Variants in LRP1B observed in about 807,000 individuals in gnomAD.
LRP1B encodes LDL receptor related protein 1B.
LRP1B carries 217 observed loss-of-function variants against 556.6 expected under a neutral mutation model. The observed-to-expected ratio is 0.39, with a 90% CI of 0.35 to 0.44. LRP1B has a LOEUF of 0.44. LRP1B is among the 20% of genes least tolerant of loss of function. The pLI is 1.00. For synonymous variants in LRP1B, 2,047 were observed against 1,865.8 expected (o/e 1.10, Z -2.50); for missense variants, 5,053 against 5,620.8 (o/e 0.90, Z 3.23).
At chr2:141,549,513 CT>C (rs1685673798) in intron 2 of LRP1B, among the ~76,000 whole-genome samples, 1 of 152,114 alleles carries the variant, frequency 6.6e-6, no homozygotes, top group Admixed American at 6.6e-5. Context: ...ACCAGTCTCT[CT>C]TTTTAGTTAC....
In LRP1B at chr2:140,311,464, A is replaced by G. The variant is rs182013639; in HGVS notation, c.12805+3471T>C. On this transcript the variant is annotated intron_variant, in intron 83 of 90. Coordinates refer to ENST00000389484, the MANE Select transcript of LRP1B (RefSeq NM_018557.3). ...CCACCTGTTCTTACTTATAAATAGG[A>G]GCCAAATCATGTGTACACGTAGACA... Among the ~76,000 whole-genome samples, 373 of 151,982 alleles carry G rather than the reference A, an allele frequency of 2.5e-3. 3 individuals carry two copies. Among genetic ancestry groups the G allele is most frequent in the Non-Finnish European group, 2.1e-3 (145 of 67,856 alleles).
intron 2 of LRP1B, among the ~76,000 whole-genome samples, chr2:141,782,121 G>A (rs1204970224): frequency 1.3e-5 from 2 of 152,098 alleles, no homozygotes; most frequent in Non-Finnish European, 2.9e-5. Context: ...CTAGAAAAAT[G>A]CTGCAGTGAG....
chr2:140,779,630 G>A (rs1261805708), intron 32 of LRP1B, among the ~76,000 whole-genome samples: 1 of 151,354 alleles, frequency 6.6e-6, no homozygotes, highest in East Asian at 1.9e-4. Flanking sequence ...GGGAGTCAGA[G>A]GTTGCAGTGA....
rs749589167 is a variant in LRP1B at position 140,385,970 on chromosome 2, T to A, written c.10454A>T (p.Asn3485Ile). 6 of 1,613,422 alleles carry A rather than the reference T, an allele frequency of 3.7e-6. No individual in the cohort carries two copies. The South Asian group carries it at 6.6e-5, about 18-fold the overall frequency. Residue 3485 changes from asparagine to isoleucine, a missense_variant, in exon 67 of 91, where the codon AAC becomes ATC. Physicochemically the swap from Asn to Ile is moderately radical, Grantham distance 149. Coordinates refer to ENST00000389484, the MANE Select transcript of LRP1B (RefSeq NM_018557.3). ...TCGPHEFQCK[N>I]NNCIPDHWRC... ...CCAGTGATCGGGAATACAGTTGTTG[T>A]TTTTACACTGGAATTCATGAGGTCC...
At chr2:140,852,746 A>G (rs189570284) in intron 27 of LRP1B, among the ~76,000 whole-genome samples, 197 of 152,288 alleles carry the variant, frequency 1.3e-3, no homozygotes, top group Admixed American at 3.0e-3. Flanking sequence ...TCAAATTGAG[A>G]ACAGAATATT....
Position 141,086,733 on chromosome 2 carries a change from C to G in LRP1B, c.1014-24460G>C, listed in dbSNP as rs190723200. Among the ~76,000 whole-genome samples the G allele has an allele frequency of 1.6e-4, 25 of 152,108 alleles. No homozygotes were observed. The East Asian group carries it at 4.7e-3, about 28-fold the overall frequency. ...AGGTCATATGAGGATCACCACATTG[C>G]TCAGTGGTCCTGCAAGGGAAACCAA... On this transcript the variant is annotated intron_variant, in intron 7 of 90. Transcript: ENST00000389484.
intron 7 of LRP1B, among the ~76,000 whole-genome samples, chr2:141,065,900 GGA>G (rs1383221105): frequency 6.6e-6 from 1 of 151,846 alleles, no homozygotes; most frequent in Admixed American, 6.6e-5. Context: ...GGTAGATTGT[GGA>G]GACCAGTCCC....
intron 60 of LRP1B, among the ~76,000 whole-genome samples, chr2:140,459,258 A>G (rs1229082179): frequency 1.3e-5 from 2 of 152,152 alleles, no homozygotes; most frequent in Non-Finnish European, 2.9e-5. Flanking sequence ...AAAAAGATAA[A>G]TGTGGCAAAA....
chr2:140,917,190 A>G (rs891240688), intron 21 of LRP1B, among the ~76,000 whole-genome samples: 1 of 152,176 alleles, frequency 6.6e-6, no homozygotes. Flanking sequence ...AACAGTAACA[A>G]CACTAAAGGT....
intron 18 of LRP1B, among the ~76,000 whole-genome samples, chr2:140,957,967 C>T (rs140830462): frequency 6.6e-5 from 10 of 151,526 alleles, no homozygotes; most frequent in African/African-American, 2.2e-4. Context: ...TAATCAGTCA[C>T]GAGCTCTACT....
At position 140,935,561 on chromosome 2, in the gene LRP1B, G is replaced by A. The variant is rs184985371; in HGVS notation, c.3137-12414C>T. Among the ~76,000 whole-genome samples, 515 of 152,050 alleles carry A rather than the reference G, an allele frequency of 3.4e-3. 2 individuals are homozygous for A. The highest frequency in any genetic ancestry group is 0.01 in the African/African-American group (423 of 41,504). ...GACTTGCAGGGCACCATGAAGAAGAGCAATATATAAATTTTCCAGAAGGAG... is the reference window on the plus strand; with the variant it reads ...GACTTGCAGGGCACCATGAAGAAGAACAATATATAAATTTTCCAGAAGGAG... On this transcript the variant is annotated intron_variant, in intron 20 of 90. Coordinates refer to ENST00000389484, the MANE Select transcript of LRP1B (RefSeq NM_018557.3).
chr2:141,179,691 C>A (rs1205136405), intron 7 of LRP1B, among the ~76,000 whole-genome samples: 1 of 151,934 alleles, frequency 6.6e-6, no homozygotes, highest in Non-Finnish European at 1.5e-5. Context: ...ACACCACGAC[C>A]ACCATTATCA....
At chr2:141,984,088 C>A (rs1183492302) in intron 1 of LRP1B, among the ~76,000 whole-genome samples, 1 of 152,008 alleles carries the variant, frequency 6.6e-6, no homozygotes, top group Non-Finnish European at 1.5e-5. Context: ...ATAAAAAGCC[C>A]ATTTAGTCCA....
At chr2:141,409,093 A>ATAGT (rs1251868049) in intron 3 of LRP1B, among the ~76,000 whole-genome samples, 1 of 152,192 alleles carries the variant, frequency 6.6e-6, no homozygotes, top group Non-Finnish European at 1.5e-5. Flanking sequence ...GCTCAAAGAA[A>ATAGT]TAGTTACCTC....
At chr2:141,182,540 T>C (rs543651739) in intron 7 of LRP1B, among the ~76,000 whole-genome samples, 5 of 152,060 alleles carry the variant, frequency 3.3e-5, no homozygotes, top group African/African-American at 9.6e-5. Context: ...TTATTAGTTT[T>C]TTTTTTCCAA....
chr2:141,988,276 A>G (rs181486090), intron 1 of LRP1B, among the ~76,000 whole-genome samples: 2 of 152,000 alleles, frequency 1.3e-5, no homozygotes, highest in East Asian at 1.9e-4. Context: ...CTGCTTTTAA[A>G]TGAATTACTG....
intron 2 of LRP1B, among the ~76,000 whole-genome samples, chr2:141,617,732 A>G (rs1688360326): frequency 6.6e-6 from 1 of 152,204 alleles, no homozygotes. Flanking sequence ...CTTTTAAAAA[A>G]TGTAATTAAT....
At chr2:141,080,802 T>G in intron 7 of LRP1B, among the ~76,000 whole-genome samples, 1 of 152,210 alleles carries the variant, frequency 6.6e-6, no homozygotes, top group East Asian at 1.9e-4. Context: ...CCACAGATAT[T>G]AAACAGAAAA....
chr2:141,141,840 G>GA (rs1429197909), intron 7 of LRP1B, among the ~76,000 whole-genome samples: 2 of 151,990 alleles, frequency 1.3e-5, no homozygotes, highest in Non-Finnish European at 2.9e-5. Context: ...ATCTGTATGT[G>GA]AAAAAATAGT....
Sources: allele counts gnomAD v4.1 joint callset (sites outside exome capture counted in the v4.1 genomes callset), GRCh38; gene constraint gnomAD v4.1.1; transcripts MANE v1.5; gene names NCBI Gene and HGNC (gene_info 2026-07-23, HGNC 2026-07-21).